The following SH3BGRL2 variants were observed in gnomAD, a reference collection of about 807,000 sequenced individuals.
The protein encoded by SH3BGRL2 is SH3 domain binding glutamate rich protein like 2.
In SH3BGRL2, 21 loss-of-function variants were observed where a neutral mutation model predicts 14.8. The observed-to-expected ratio is 1.42, with a 90% CI of 1.01 to 2.05. SH3BGRL2 has a LOEUF of 2.05. Among genes scored for constraint, SH3BGRL2 ranks in the 30% most tolerant of loss-of-function variants. The pLI, the probability that SH3BGRL2 is intolerant of heterozygous loss-of-function variation, is 0.00. For missense variants in SH3BGRL2, 147 were observed against 130.8 expected, an observed-to-expected ratio of 1.12 and a Z score of -0.61; for synonymous variants, 50 against 47.8, an observed-to-expected ratio of 1.05 and a Z score of -0.19.
the SH3BGRL2 span, among the ~76,000 whole-genome samples, chr6:79,577,296 TC>T: frequency 6.6e-6 from 1 of 151,338 alleles, no homozygotes; most frequent in Non-Finnish European, 1.5e-5. Context: ...AGCCTTGAAA[TC>T]AGGTAGTGTA....
At chr6:79,538,180 T>G in the SH3BGRL2 span, among the ~76,000 whole-genome samples, 1 of 151,988 alleles carries the variant, frequency 6.6e-6, no homozygotes, top group South Asian at 2.1e-4. Flanking sequence ...GTGAGGGCTT[T>G]AAACTGCTCC....
upstream of SH3BGRL2, among the ~76,000 whole-genome samples, chr6:79,629,140 G>A (rs1272842237): frequency 6.6e-6 from 1 of 152,178 alleles, no homozygotes; most frequent in African/African-American, 2.4e-5. Context: ...CATAGTTTGA[G>A]GACCCTTAGA....
At chr6:79,557,239 T>A in the SH3BGRL2 span, among the ~76,000 whole-genome samples, 1 of 151,724 alleles carries the variant, frequency 6.6e-6, no homozygotes, top group African/African-American at 2.4e-5. Context: ...TTTAAAGAGT[T>A]TCTGCAATTT....
intron 1 of SH3BGRL2, among the ~76,000 whole-genome samples, chr6:79,649,001 G>T (rs545852404): frequency 6.6e-6 from 1 of 152,298 alleles, no homozygotes; most frequent in South Asian, 2.1e-4. Context: ...GCCACTGAGA[G>T]GTGATTAGCT....
chr6:79,690,881 A>G (rs1324179827), intron 2 of SH3BGRL2, among the ~76,000 whole-genome samples: 2 of 152,190 alleles, frequency 1.3e-5, no homozygotes, highest in Non-Finnish European at 2.9e-5. Flanking sequence ...ATGATACCTC[A>G]TCTCTACAGA....
intron 2 of SH3BGRL2, among the ~76,000 whole-genome samples, chr6:79,682,014 C>CAT (rs1769997913): frequency 6.7e-6 from 1 of 148,494 alleles, no homozygotes; most frequent in African/African-American, 2.5e-5. Flanking sequence ...CACACACACA[C>CAT]TACACACACA....
At chr6:79,623,139 T>G in the SH3BGRL2 span, among the ~76,000 whole-genome samples, 2 of 151,822 alleles carry the variant, frequency 1.3e-5, no homozygotes, top group Non-Finnish European at 1.5e-5. Flanking sequence ...AACCTTGTCT[T>G]TACTAAAAAT....
At chr6:79,588,610 C>T in the SH3BGRL2 span, among the ~76,000 whole-genome samples, 2 of 152,274 alleles carry the variant, frequency 1.3e-5, no homozygotes, top group South Asian at 2.1e-4. Flanking sequence ...GTGGCATGTT[C>T]TGATCCCCTT....
the SH3BGRL2 span, among the ~76,000 whole-genome samples, chr6:79,603,532 G>T: frequency 6.6e-6 from 1 of 152,026 alleles, no homozygotes; most frequent in Non-Finnish European, 1.5e-5. Flanking sequence ...GGCAAAGGAT[G>T]CGCCTTTCCA....
intron 2 of SH3BGRL2, among the ~76,000 whole-genome samples, chr6:79,684,294 T>C (rs1207685177): frequency 5.3e-5 from 8 of 152,200 alleles, no homozygotes; most frequent in Admixed American, 2.0e-4. Flanking sequence ...ACACTTTCTG[T>C]AATTAACTAG....
chr6:79,691,124 A>G (rs549684698), intron 2 of SH3BGRL2, among the ~76,000 whole-genome samples: 3 of 152,246 alleles, frequency 2.0e-5, no homozygotes, highest in South Asian at 4.1e-4. Context: ...ATTACACTCC[A>G]GTCTGGGTGA....
intron 2 of SH3BGRL2, among the ~76,000 whole-genome samples, chr6:79,695,668 G>A (rs1770316588): frequency 6.6e-6 from 1 of 152,188 alleles, no homozygotes; most frequent in African/African-American, 2.4e-5. Context: ...AACCCGGCAG[G>A]CTGTGGTGAA....
intron 1 of SH3BGRL2, among the ~76,000 whole-genome samples, chr6:79,652,530 C>T (rs1206633149): frequency 6.6e-6 from 1 of 152,052 alleles, no homozygotes; most frequent in Non-Finnish European, 1.5e-5. Context: ...TTCAGGTGTA[C>T]AGTAGGACAT....
chr6:79,597,001 G>A, the SH3BGRL2 span, among the ~76,000 whole-genome samples: 7 of 152,124 alleles, frequency 4.6e-5, no homozygotes, highest in Admixed American at 1.3e-4. Context: ...AGGCCGAGGC[G>A]GGTGGATCCA....
At chr6:79,641,086 A>AGT (rs1267884536) in intron 1 of SH3BGRL2, among the ~76,000 whole-genome samples, 1 of 150,854 alleles carries the variant, frequency 6.6e-6, no homozygotes, top group Non-Finnish European at 1.5e-5. Context: ...AAGACGTGGG[A>AGT]GTGTGGTCTT....
At chr6:79,572,760 T>A in the SH3BGRL2 span, among the ~76,000 whole-genome samples, 5 of 152,314 alleles carry the variant, frequency 3.3e-5, no homozygotes, top group East Asian at 9.7e-4. Flanking sequence ...CCACTGCGCC[T>A]GGCCTATTTT....
the SH3BGRL2 span, among the ~76,000 whole-genome samples, chr6:79,566,935 G>C: frequency 6.6e-6 from 1 of 150,896 alleles, no homozygotes; most frequent in Non-Finnish European, 1.5e-5. Flanking sequence ...AATTGCTTAT[G>C]AATAAATACT....
At chr6:79,654,548 G>C (rs1769366575) in intron 1 of SH3BGRL2, among the ~76,000 whole-genome samples, 1 of 152,114 alleles carries the variant, frequency 6.6e-6, no homozygotes, top group Non-Finnish European at 1.5e-5. Context: ...GTTCCATCTC[G>C]ATCACGATTT....
In SH3BGRL2 at chr6:79,659,397, C is replaced by G. The variant is rs571177602; in HGVS notation, c.46-14217C>G. Among the ~76,000 whole-genome samples the G allele has an allele frequency of 2.0e-5, 3 of 152,280 alleles. No homozygotes were observed. The South Asian group carries it at 6.2e-4, about 32-fold the overall frequency. The stretch of plus-strand genomic sequence containing the variant: ...CAGCACCATTTATAAAATAGGGAAT[C>G]CTTTCCCCATTTCTTGTTTTTGTCA... On this transcript the variant is annotated intron_variant, in intron 1 of 3. Coordinates refer to ENST00000369838, the MANE Select transcript of SH3BGRL2 (RefSeq NM_031469.4).
Sources: allele counts gnomAD v4.1 joint callset (sites outside exome capture counted in the v4.1 genomes callset), GRCh38; gene constraint gnomAD v4.1.1; transcripts MANE v1.5; gene names NCBI Gene and HGNC (gene_info 2026-07-23, HGNC 2026-07-21).